Variants in BANP observed in about 807,000 individuals in gnomAD.
BANP encodes the protein protein BANP.
In BANP, 11 loss-of-function variants were observed where a neutral mutation model predicts 68.1. That is an observed-to-expected ratio of 0.16 (90% CI 0.10 to 0.27). BANP has a LOEUF of 0.27. BANP is among the 10% of genes least tolerant of loss of function. BANP has a pLI of 1.00. For missense variants in BANP, 504 were observed against 722.7 expected, an observed-to-expected ratio of 0.70 and a Z score of 3.47; for synonymous variants, 329 against 303.2, an observed-to-expected ratio of 1.09 and a Z score of -0.88.
Position 88,023,885 on chromosome 16 carries a change from C to T in BANP, c.896-3598C>T, listed in dbSNP as rs1377409706. Among the ~76,000 whole-genome samples, 8 of 152,302 alleles carry T rather than the reference C, an allele frequency of 5.3e-5. 1 individual carries two copies. In the Middle Eastern group the frequency reaches 0.014, roughly 259 times the overall value. On this transcript the variant is annotated intron_variant, in intron 7 of 13. Coordinates refer to ENST00000682872, the MANE Select transcript of BANP (RefSeq NM_001386991.1). The stretch of plus-strand genomic sequence containing the variant: ...TGCCTGGCTGAGCCTGGAAGGCAAT[C>T]CCGTCCCGGCCTTGAGGGGCCTCGG...
rs892356601 is a variant in BANP at position 88,002,879 on chromosome 16, G to A, written c.363-1416G>A. Reference sequence around the variant, plus strand: ...TCAGCAGCACCGTCCTTCTTCAGTTGCTCATGGGGGGAGAGAATAAATGCA... The same window carrying A: ...TCAGCAGCACCGTCCTTCTTCAGTTACTCATGGGGGGAGAGAATAAATGCA... On this transcript the variant is annotated intron_variant, in intron 4 of 13. Transcript: ENST00000682872. The surrounding 1 kb of genome is among the most constrained non-coding windows in gnomAD (Gnocchi z 4.6). Among the ~76,000 whole-genome samples the A allele has an allele frequency of 6.6e-6, 1 of 152,208 alleles. No homozygotes were observed.
At chr16:88,074,475 G>C (rs186928257) in intron 13 of BANP, among the ~76,000 whole-genome samples, 19 of 152,160 alleles carry the variant, frequency 1.2e-4, no homozygotes, top group Middle Eastern at 6.8e-3. Flanking sequence ...GTCTTAATGC[G>C]CGGTGGCCTG....
rs58334556 is a variant in BANP, at chr16:87,973,753, C to CAAAAAA, written c.-68-1279_-68-1274dup. Among the ~76,000 whole-genome samples, 139 of 99,294 alleles carry CAAAAAA rather than the reference C, an allele frequency of 1.4e-3. 1 individual carries two copies. Among genetic ancestry groups the CAAAAAA allele is most frequent in the East Asian group, 2.9e-3 (5 of 1,698 alleles). The allele number at this position is 99,294 out of a possible 152,430, so 65.1% of individuals were successfully genotyped here. On this transcript the variant is annotated intron_variant, in intron 1 of 13. Transcript: ENST00000682872. Reference sequence around the variant, plus strand: ...GGGCAACAGGAGCAAAACTCCATCACAAAAAAAAAAAAAAAAAAAAAGAAA... The same window carrying CAAAAAA: ...GGGCAACAGGAGCAAAACTCCATCACAAAAAAAAAAAAAAAAAAAAAAAAAAAGAAA...
intron 1 of BANP, chr16:87,952,400 G>A (rs1173635493): frequency 3.9e-5 from 6 of 152,248 alleles, no homozygotes; most frequent in African/African-American, 1.4e-4. Flanking sequence ...TCACACAGTT[G>A]TTGATGTGGA....
Position 88,033,177 on chromosome 16 carries a change from C to T in BANP, c.1132C>T (p.His378Tyr). ...GCCACAGCCGCAGCCGCAGGCCCTG[C>T]ACTACGCGCTGGCCAACGCACAGCA... ...PQPQPQPQALHYALANAQQVQ... is the reference protein window; with the variant it reads ...PQPQPQPQALYYALANAQQVQ... The change falls in exon 9 of 14, where the codon CAC (histidine) becomes TAC (tyrosine). Residue 378 changes from histidine to tyrosine, a missense_variant. Physicochemically the swap from His to Tyr is moderately conservative, Grantham distance 83. Coordinates refer to ENST00000682872, the MANE Select transcript of BANP (RefSeq NM_001386991.1). 6.2e-7 allele frequency: 1 copy of T among 1,611,798 alleles called. No homozygotes were observed. Among genetic ancestry groups the T allele is most frequent in the Non-Finnish European group, 8.5e-7 (1 of 1,178,286 alleles).
intron 8 of BANP, among the ~76,000 whole-genome samples, chr16:88,028,979 C>T (rs547317248): frequency 1.3e-5 from 2 of 152,238 alleles, no homozygotes; most frequent in Admixed American, 6.5e-5. Context: ...TTCCAATAAG[C>T]ACTGCATTAG....
chr16:88,076,839 G>T lies in BANP; in HGVS notation c.*178G>T, dbSNP rs1449517537. 8 of 590,214 alleles carry T rather than the reference G, an allele frequency of 1.4e-5. No homozygotes were observed. The highest frequency in any genetic ancestry group is 4.5e-4 in the Middle Eastern group (1 of 2,210). 36.6% of individuals were successfully genotyped at this position (590,214 alleles called of 1,614,324 possible). A position where few individuals can be genotyped will look rare whatever the true frequency, so the allele number is the denominator to read the frequency against. On this transcript the variant is annotated 3_prime_UTR_variant, in exon 14 of 14. Coordinates refer to ENST00000682872, the MANE Select transcript of BANP (RefSeq NM_001386991.1). ...ATCAACTGAAAGAGCAGCCGCCGCC[G>T]CCCCCAGCCGGAGACCCCTTTCGTT...
At chr16:88,035,081 T>C in intron 9 of BANP, 1 of 516,730 alleles carries the variant, frequency 1.9e-6, no homozygotes, top group Non-Finnish European at 3.5e-6. Context: ...CATCCACAGT[T>C]TCTGGCGTCC....
chr16:87,982,686 C>T (rs2063508249), intron 3 of BANP: 2 of 152,200 alleles, frequency 1.3e-5, no homozygotes, highest in Non-Finnish European at 2.9e-5. Context: ...GTTTCTTTAG[C>T]TCCTGTCTAT....
intron 11 of BANP, among the ~76,000 whole-genome samples, chr16:88,038,657 A>G (rs2080016338): frequency 6.6e-6 from 1 of 152,180 alleles, no homozygotes; most frequent in Non-Finnish European, 1.5e-5. Flanking sequence ...TGAACACCCC[A>G]GTACGAATGG....
chr16:88,021,797 G>T (rs1487718820), intron 7 of BANP, among the ~76,000 whole-genome samples: 2 of 152,228 alleles, frequency 1.3e-5, no homozygotes, highest in African/African-American at 4.8e-5. Context: ...TGTAGCCTCA[G>T]CAGTCAGAGG....
chr16:88,052,362 T>C (rs2083454925), intron 11 of BANP, among the ~76,000 whole-genome samples: 1 of 152,170 alleles, frequency 6.6e-6, no homozygotes, highest in Non-Finnish European at 1.5e-5. Context: ...TGTCTTCACC[T>C]GTCTTGCATT....
chr16:88,038,768 A>C (rs2080050693), intron 11 of BANP, among the ~76,000 whole-genome samples: 1 of 152,128 alleles, frequency 6.6e-6, no homozygotes, highest in African/African-American at 2.4e-5. Context: ...GTGTGTTCCT[A>C]GGTCCTGGTG....
At chr16:87,954,439 G>A (rs892578047) in intron 1 of BANP, among the ~76,000 whole-genome samples, 10 of 152,322 alleles carry the variant, frequency 6.6e-5, no homozygotes, top group Admixed American at 4.6e-4. Context: ...CCATACTGAT[G>A]TTTACTGTTG....
At chr16:88,021,612 C>T (rs533884623) in intron 7 of BANP, among the ~76,000 whole-genome samples, 1 of 152,338 alleles carries the variant, frequency 6.6e-6, no homozygotes, top group African/African-American at 2.4e-5. Flanking sequence ...TTTACCTTTT[C>T]TTCCTGTGGC....
At chr16:87,959,195 T>A (rs1428980028) in intron 1 of BANP, among the ~76,000 whole-genome samples, 1 of 152,248 alleles carries the variant, frequency 6.6e-6, no homozygotes, top group African/African-American at 2.4e-5. Context: ...GCCGCTCGAC[T>A]CTGCTGTTGG....
At chr16:87,975,901 G>A (rs11117336) in intron 2 of BANP, among the ~76,000 whole-genome samples, 30,195 of 112,106 alleles carry the variant, frequency 0.27, 6,070 homozygotes, top group Non-Finnish European at 0.39. Flanking sequence ...CCCTGTGTGT[G>A]GTGTCATGGA....
chr16:87,952,254 T>C (rs1317381274), intron 1 of BANP: 1 of 152,302 alleles, frequency 6.6e-6, no homozygotes, highest in Non-Finnish European at 1.5e-5. Context: ...AGAGGACTGA[T>C]GTTTTTCACT....
At chr16:87,955,666 C>G (rs905670095) in intron 1 of BANP, among the ~76,000 whole-genome samples, 9 of 152,096 alleles carry the variant, frequency 5.9e-5, no homozygotes. Flanking sequence ...CACAAAGTAT[C>G]TCCCCCAAGA....
Sources: allele counts gnomAD v4.1 joint callset (sites outside exome capture counted in the v4.1 genomes callset), GRCh38; gene constraint gnomAD v4.1.1; non-coding constraint Gnocchi (gnomAD v3.1); transcripts MANE v1.5; gene names NCBI Gene and HGNC (gene_info 2026-07-23, HGNC 2026-07-21).